The following MAD1L1 variants were observed in gnomAD, a reference collection of about 807,000 sequenced individuals.
The protein encoded by MAD1L1 is mitotic arrest deficient 1 like 1.
A neutral mutation model predicts 96.9 loss-of-function variants in MAD1L1; 95 were observed. That is an observed-to-expected ratio of 0.98 (90% CI 0.83 to 1.16). The LOEUF is 1.16. Among genes scored for constraint, MAD1L1 ranks in the 50% most tolerant of loss-of-function variants. The pLI is 0.00. For synonymous variants in MAD1L1, 473 were observed against 396.6 expected, an observed-to-expected ratio of 1.19 and a Z score of -2.29; for missense variants, 1,007 against 954.4, an observed-to-expected ratio of 1.06 and a Z score of -0.73.
In MAD1L1 at chr7:1,935,931, G is replaced by C. The variant is rs369407239; in HGVS notation, c.1807+756C>G. On this transcript the variant is annotated intron_variant, in intron 17 of 18. Coordinates refer to ENST00000265854, the MANE Select transcript of MAD1L1 (RefSeq NM_001013836.2). ...AGGCTGCTGCTAAGGGCTGGACAGG[G>C]AACCCTCCCCCAGGTCCCCCCAGAA... Among the ~76,000 whole-genome samples, 15 of 152,328 alleles carry C rather than the reference G, an allele frequency of 9.8e-5. 1 individual carries two copies. Among genetic ancestry groups the C allele is most frequent in the African/African-American group, 3.6e-4 (15 of 41,582 alleles).
chr7:2,176,273 G>A (rs1790942154), intron 10 of MAD1L1, among the ~76,000 whole-genome samples: 1 of 152,142 alleles, frequency 6.6e-6, no homozygotes, highest in Non-Finnish European at 1.5e-5. Flanking sequence ...ACTGGAACCT[G>A]GGAGGCAGAG....
At chr7:2,197,939 G>A (rs1437962334) in intron 10 of MAD1L1, among the ~76,000 whole-genome samples, 3 of 151,958 alleles carry the variant, frequency 2.0e-5, no homozygotes, top group African/African-American at 4.8e-5. Context: ...CCCAGCCTGT[G>A]ACTGACCCCA....
chr7:1,887,857 G>C (rs1393485754), intron 18 of MAD1L1, among the ~76,000 whole-genome samples: 3 of 51,570 alleles, frequency 5.8e-5, no homozygotes, highest in Non-Finnish European at 1.1e-4. Flanking sequence ...GCGTGTGTGT[G>C]TGCACGTGTG....
At chr7:2,182,849 G>C (rs938184705) in intron 10 of MAD1L1, among the ~76,000 whole-genome samples, 5 of 152,170 alleles carry the variant, frequency 3.3e-5, no homozygotes, top group Non-Finnish European at 7.3e-5. Context: ...TGGGGACCAT[G>C]ACAATCTTCT....
chr7:2,000,175 C>T (rs942907374), intron 14 of MAD1L1, among the ~76,000 whole-genome samples: 1 of 152,164 alleles, frequency 6.6e-6, no homozygotes, highest in Non-Finnish European at 1.5e-5. Flanking sequence ...TACCATGAGC[C>T]CACCCGGGGC....
chr7:1,867,551 G>A (rs1784836581), intron 18 of MAD1L1, among the ~76,000 whole-genome samples: 2 of 152,262 alleles, frequency 1.3e-5, no homozygotes, highest in African/African-American at 2.4e-5. Flanking sequence ...GAGTAGGAGC[G>A]AGGTGGGCCA....
intron 9 of MAD1L1, among the ~76,000 whole-genome samples, chr7:2,215,100 C>T (rs1277530147): frequency 3.9e-5 from 6 of 152,018 alleles, no homozygotes; most frequent in East Asian, 1.9e-4. Context: ...AAAGCCTGGC[C>T]GGGCATGGTG....
intron 10 of MAD1L1, among the ~76,000 whole-genome samples, chr7:2,164,555 G>A (rs1006969578): frequency 3.3e-4 from 40 of 120,066 alleles, no homozygotes; most frequent in Non-Finnish European, 3.2e-5. Flanking sequence ...TTAAGTGACA[G>A]AATCAGAGTC....
intron 11 of MAD1L1, among the ~76,000 whole-genome samples, chr7:2,075,931 G>A (rs145072066): frequency 5.3e-4 from 80 of 152,304 alleles, no homozygotes; most frequent in African/African-American, 1.9e-3. Flanking sequence ...AGGCATCACT[G>A]GACTCTCCCC....
At chr7:2,092,862 A>AC (rs1786285723) in intron 11 of MAD1L1, among the ~76,000 whole-genome samples, 1 of 152,002 alleles carries the variant, frequency 6.6e-6, no homozygotes, top group Non-Finnish European at 1.5e-5. Context: ...TCATCGTCCA[A>AC]CCCCAGGGCA....
intron 16 of MAD1L1, among the ~76,000 whole-genome samples, chr7:1,939,169 G>A (rs1391863718): frequency 1.8e-5 from 2 of 111,176 alleles, no homozygotes; most frequent in Non-Finnish European, 3.5e-5. Context: ...ACACACATAC[G>A]GGCCAGGGCC....
chr7:2,221,477 A>C, intron 5 of MAD1L1, among the ~76,000 whole-genome samples: 2 of 149,968 alleles, frequency 1.3e-5, no homozygotes, highest in Non-Finnish European at 1.5e-5. Flanking sequence ...CCCCTCCAGG[A>C]CCCCCGCTGC....
intron 16 of MAD1L1, among the ~76,000 whole-genome samples, chr7:1,945,085 G>C (rs1431156114): frequency 1.3e-5 from 2 of 152,170 alleles, no homozygotes; most frequent in African/African-American, 4.8e-5. Context: ...GGGCTGCGAA[G>C]GGCCAGGCCT....
Position 1,856,804 on chromosome 7 carries a change from C to T in MAD1L1, c.1999-40576G>A, listed in dbSNP as rs183769163. Among the ~76,000 whole-genome samples the T allele has an allele frequency of 4.7e-3, 719 of 152,260 alleles. 5 individuals are homozygous for T. The highest frequency in any genetic ancestry group is 0.016 in the African/African-American group (676 of 41,560). On this transcript the variant is annotated intron_variant, in intron 18 of 18. Transcript: ENST00000265854. ...GTAACCCAACCCTGGAACGTGGTCT[C>T]GGGCCACAACGGCTGGAGGGACTCC...
At chr7:2,006,783 C>T (rs1782052626) in intron 13 of MAD1L1, among the ~76,000 whole-genome samples, 1 of 152,154 alleles carries the variant, frequency 6.6e-6, no homozygotes, top group Admixed American at 6.5e-5. Context: ...AGAGGAGGCT[C>T]CCAGATGGGG....
intron 18 of MAD1L1, among the ~76,000 whole-genome samples, chr7:1,896,948 A>T (rs1786913063): frequency 6.6e-6 from 1 of 152,280 alleles, no homozygotes; most frequent in Non-Finnish European, 1.5e-5. Flanking sequence ...ATACAGAATT[A>T]TACAAAAGCG....
At chr7:1,903,543 C>T (rs1583718962) in intron 17 of MAD1L1, among the ~76,000 whole-genome samples, 3 of 144,120 alleles carry the variant, frequency 2.1e-5, no homozygotes, top group African/African-American at 8.4e-5. Context: ...ATGGAAGACG[C>T]TCTTGCAGAA....
chr7:2,070,231 C>A (rs1344056812), intron 11 of MAD1L1, among the ~76,000 whole-genome samples: 1 of 152,240 alleles, frequency 6.6e-6, no homozygotes, highest in Non-Finnish European at 1.5e-5. Context: ...CTGACCCTGA[C>A]TGCAGAACCC....
At chr7:2,037,015 G>C (rs990819473) in intron 12 of MAD1L1, among the ~76,000 whole-genome samples, 36 of 151,686 alleles carry the variant, frequency 2.4e-4, no homozygotes, top group African/African-American at 8.2e-4. Flanking sequence ...CCACCCACGC[G>C]CAGAAGACCT....
Sources: gnomAD v4.1 joint callset for allele counts (sites outside exome capture counted in the v4.1 genomes callset) on GRCh38, gnomAD v4.1.1 for gene constraint, MANE v1.5 for transcripts, NCBI Gene and HGNC (gene_info 2026-07-23, HGNC 2026-07-21) for gene names.